RASGRP4: variants seen among roughly 807,000 people sequenced by gnomAD.
The protein encoded by RASGRP4 is RAS guanyl-releasing protein 4.
RASGRP4 carries 52 observed loss-of-function variants against 84.4 expected under a neutral mutation model. The ratio of observed to expected loss-of-function variants is 0.62; its 90% CI spans 0.49 to 0.78. RASGRP4 has a LOEUF of 0.78. Ranked by LOEUF, RASGRP4 falls within the 30% of genes least tolerant of loss-of-function variation. RASGRP4 has a pLI of 0.00. For synonymous variants in RASGRP4, 356 were observed against 359.1 expected, an observed-to-expected ratio of 0.99 and a Z score of 0.10; for missense variants, 760 against 886.9, an observed-to-expected ratio of 0.86 and a Z score of 1.82.
chr19:38,416,172 A>T (rs1971491414), intron 8 of RASGRP4, among the ~76,000 whole-genome samples: 2 of 148,772 alleles, frequency 1.3e-5, no homozygotes, highest in Non-Finnish European at 3.0e-5. Context: ...TTATTTTTAA[A>T]TTTTTTTTCA....
Position 38,409,773 on chromosome 19 carries a change from A to G in RASGRP4, c.*267T>C, listed in dbSNP as rs1031050644. On this transcript the variant is annotated 3_prime_UTR_variant, in exon 17 of 17. Transcript: ENST00000615439. Reference sequence around the variant, plus strand: ...AGAAATGGAGATGTAGGGAGTTGGTAGAATGAGGCCTGAGTCTAAATGTAT... The same window carrying G: ...AGAAATGGAGATGTAGGGAGTTGGTGGAATGAGGCCTGAGTCTAAATGTAT... The G allele has an allele frequency of 2.7e-5, 8 of 297,544 alleles. No individual in the cohort carries two copies. The highest frequency in any genetic ancestry group is 9.5e-5 in the South Asian group (1 of 10,546). The allele number at this position is 297,544 out of a possible 1,614,324, so 18.4% of individuals were successfully genotyped here.
rs1014957183 is a variant in RASGRP4 at position 38,409,414 on chromosome 19, A to C, written c.*626T>G. On this transcript the variant is annotated 3_prime_UTR_variant, in exon 17 of 17. Transcript: ENST00000615439. ...CGTTCAACGAGATAAAGAGGGAAAA[A>C]GTATAGGCTGTCAGAGGGAGCACAT... The C allele has an allele frequency of 6.6e-6, 1 of 152,134 alleles. No individual in the cohort carries two copies. The highest frequency in any genetic ancestry group is 6.6e-5 in the Admixed American group (1 of 15,198). 9.4% of individuals were successfully genotyped at this position (152,134 alleles called of 1,614,324 possible).
At chr19:38,420,095 T>A (rs1971675265) in intron 5 of RASGRP4, 36 bp downstream of exon 5, 1 of 1,607,258 alleles carries the variant, frequency 6.2e-7, no homozygotes. Context: ...AGAATGGCGA[T>A]GGGGCAGGGA....
At chr19:38,414,382 AATGGCG>A (rs1371866800) in intron 9 of RASGRP4, among the ~76,000 whole-genome samples, 5 of 151,470 alleles carry the variant, frequency 3.3e-5, no homozygotes, top group East Asian at 2.0e-4. Flanking sequence ...GCAATGGCGC[AATGGCG>A]CAATCTCAGC....
chr19:38,410,907 G>T lies in RASGRP4; in HGVS notation c.1944C>A (p.His648Gln). 2 of 1,600,868 alleles carry T rather than the reference G, an allele frequency of 1.2e-6. No homozygotes were observed. Among genetic ancestry groups the T allele is most frequent in the Non-Finnish European group, 1.7e-6 (2 of 1,173,806 alleles). ...RHAWTQTESP[H>Q]PSWETDTVPC... ...TCACCGTATCTGTTTCCCAGGAAGGGTGTGGGGATTCAGTCTGGGTCCAGG... is the reference window on the plus strand; with the variant it reads ...TCACCGTATCTGTTTCCCAGGAAGGTTGTGGGGATTCAGTCTGGGTCCAGG... Residue 648 changes from histidine (H) to glutamine (Q), a missense_variant, in exon 16 of 17, where the codon CAC (histidine) becomes CAA (glutamine). By Grantham distance (24) the His-to-Gln change is conservative (BLOSUM62 0). Transcript: ENST00000615439.
In RASGRP4 at chr19:38,417,266, T is replaced by C; in HGVS notation, c.838-98A>G. The C allele has an allele frequency of 1.4e-6, 1 of 740,408 alleles. No individual in the cohort carries two copies. Among genetic ancestry groups the C allele is most frequent in the East Asian group, 2.7e-5 (1 of 37,172 alleles). The allele number at this position is 740,408 out of a possible 1,614,324, so 45.9% of individuals were successfully genotyped here. ...CAGTTGAGGTGGGGTCCCAGGCATG[T>C]GTGGACCAATGTGGGGATCAGACAG... is the stretch of plus-strand genomic sequence containing the variant. On this transcript the variant is annotated intron_variant, in intron 7 of 16. Coordinates refer to ENST00000615439, the MANE Select transcript of RASGRP4 (RefSeq NM_170604.3). This position sits in a 1 kb window ranked among gnomAD's most constrained non-coding sequence, Gnocchi z 5.1.
chr19:38,423,599 G>A (rs1971855284), intron 1 of RASGRP4, among the ~76,000 whole-genome samples: 1 of 151,932 alleles, frequency 6.6e-6, no homozygotes, highest in African/African-American at 2.4e-5. Context: ...CACTTTGGGA[G>A]GCTGAGGTGG....
chr19:38,425,821 G>A (rs1468203690), intron 1 of RASGRP4, among the ~76,000 whole-genome samples: 1 of 152,140 alleles, frequency 6.6e-6, no homozygotes, highest in African/African-American at 2.4e-5. Flanking sequence ...GGATGGAGGT[G>A]GGGTGATGAG....
chr19:38,412,733 A>G lies in RASGRP4; in HGVS notation c.1619T>C (p.Leu540Pro). The G allele has an allele frequency of 6.2e-7, 1 of 1,612,530 alleles. No homozygotes were observed. Among genetic ancestry groups the G allele is most frequent in the Non-Finnish European group, 8.5e-7 (1 of 1,179,268 alleles). ...GAAGGTGACCTCATGGAAGGTGTGC[A>G]GGAAGGCCAGGCCCAACTTGGAGCA... Reference protein sequence around the residue: ...AICSKLGLAFLHTFHEVTFRK... With the variant: ...AICSKLGLAFPHTFHEVTFRK... The change falls in exon 13 of 17, where the codon CTG becomes CCG. Residue 540 changes from leucine to proline, a missense_variant. Leu to Pro is a moderately conservative substitution (Grantham distance 98). Transcript: ENST00000615439. The surrounding 1 kb of genome is among the most constrained non-coding windows in gnomAD (Gnocchi z 4.6).
Position 38,415,077 on chromosome 19 carries a change from G to A in RASGRP4, c.1001C>T (p.Ala334Val), listed in dbSNP as rs1374844480. ...GCCAGCCCAGGTGCGGCGGTAGCGG[G>A]CGTAGTTGTTGTGGGAGGCAAGGAG... Reference protein sequence around the residue: ...TELLASHNNYARYRRTWAGCA... With the variant: ...TELLASHNNYVRYRRTWAGCA... The change falls in exon 9 of 17, where the codon GCC (alanine) becomes GTC (valine). Residue 334 changes from alanine (A) to valine (V), a missense_variant. Coordinates refer to ENST00000615439, the MANE Select transcript of RASGRP4 (RefSeq NM_170604.3). The A allele has an allele frequency of 6.2e-7, 1 of 1,601,840 alleles. No individual in the cohort carries two copies. The highest frequency in any genetic ancestry group is 2.3e-5 in the East Asian group (1 of 44,416).
chr19:38,421,963 A>G lies in RASGRP4; in HGVS notation c.208+6T>C. ...CCAGGGAGGCTGCTGGGGAGAGGAC[A>G]CTTACCGAAGGACTGGATGCATTTC... On this transcript the variant is annotated splice_donor_region_variant and intron_variant, in intron 2 of 16. Coordinates refer to ENST00000615439, the MANE Select transcript of RASGRP4 (RefSeq NM_170604.3). 3 of 1,607,840 alleles carry G rather than the reference A, an allele frequency of 1.9e-6. No individual in the cohort carries two copies. The highest frequency in any genetic ancestry group is 2.5e-6 in the Non-Finnish European group (3 of 1,177,522).
Position 38,417,773 on chromosome 19 carries a change from A to G in RASGRP4, c.838-605T>C, listed in dbSNP as rs940452368. 2.0e-5 allele frequency among the ~76,000 whole-genome samples: 3 copies of G among 152,258 alleles called. No homozygotes were observed. Among genetic ancestry groups the G allele is most frequent in the Non-Finnish European group, 4.4e-5 (3 of 68,014 alleles). On this transcript the variant is annotated intron_variant, in intron 7 of 16. Coordinates refer to ENST00000615439, the MANE Select transcript of RASGRP4 (RefSeq NM_170604.3). The surrounding 1 kb of genome is among the most constrained non-coding windows in gnomAD (Gnocchi z 5.1). ...AAAATGCTCAGACTAAGGACACCCC[A>G]GGCGGACGTCGAGACCCCCAGGTCT... is the stretch of plus-strand genomic sequence containing the variant.
chr19:38,411,040 G>A, intron 15 of RASGRP4, 42 bp from the exon 16 acceptor site: 1 of 1,610,824 alleles, frequency 6.2e-7, no homozygotes, highest in Non-Finnish European at 8.5e-7. Context: ...CTGATGGGAA[G>A]GACCTCTTCT....
intron 2 of RASGRP4, 23 bp from the exon 3 acceptor site, chr19:38,421,223 C>G (rs755642236): frequency 6.5e-7 from 1 of 1,548,164 alleles, no homozygotes; most frequent in Admixed American, 1.7e-5. Flanking sequence ...GAGGGGTACT[C>G]TGTGACAGAA....
rs754312220 is a variant in RASGRP4, at chr19:38,419,879, C to T, written c.644G>A (p.Arg215Gln). 6.9e-6 allele frequency: 11 copies of T among 1,602,302 alleles called. No individual in the cohort carries two copies. Among genetic ancestry groups the T allele is most frequent in the East Asian group, 6.8e-5 (3 of 44,414 alleles). Residue 215 changes from arginine to glutamine, a missense_variant, in exon 6 of 17, where the codon CGG becomes CAG. Transcript: ENST00000615439. ...CCTCACCGTGATAGCCTGGAAGGAC[C>T]GGAACTCCAGGTAGGTGAGGTGCTG... ...LAQHLTYLEF[R>Q]SFQAITPQDL... is the part of the protein sequence containing the mutation.
At chr19:38,416,208 A>G (rs998211509) in intron 8 of RASGRP4, among the ~76,000 whole-genome samples, 1 of 151,848 alleles carries the variant, frequency 6.6e-6, no homozygotes, top group Non-Finnish European at 1.5e-5. Context: ...TCACACCTGT[A>G]ATCCCAGCAC....
intron 1 of RASGRP4, among the ~76,000 whole-genome samples, chr19:38,423,387 G>A (rs1001116076): frequency 1.9e-4 from 29 of 151,984 alleles, no homozygotes; most frequent in African/African-American, 6.0e-4. Flanking sequence ...TTGGTCAGGC[G>A]TGATGGCGGG....
chr19:38,417,257 C>T lies in RASGRP4; in HGVS notation c.838-89G>A. On this transcript the variant is annotated intron_variant, in intron 7 of 16. Coordinates refer to ENST00000615439, the MANE Select transcript of RASGRP4 (RefSeq NM_170604.3). This position sits in a 1 kb window ranked among gnomAD's most constrained non-coding sequence, Gnocchi z 5.1. ...ACAGCATCCCAGTTGAGGTGGGGTC[C>T]CAGGCATGTGTGGACCAATGTGGGG... 2.4e-6 allele frequency: 2 copies of T among 839,382 alleles called. No homozygotes were observed. Among genetic ancestry groups the T allele is most frequent in the South Asian group, 3.0e-5 (2 of 66,788 alleles). The allele number at this position is 839,382 out of a possible 1,614,324, so 52.0% of individuals were successfully genotyped here.
intron 2 of RASGRP4, 100 bp downstream of exon 2, chr19:38,421,869 C>T: frequency 1.1e-6 from 1 of 931,418 alleles, no homozygotes; most frequent in South Asian, 1.5e-5. Flanking sequence ...TCATTCCACC[C>T]AGCCCTGTTC....
Sources: allele counts gnomAD v4.1 joint callset (sites outside exome capture counted in the v4.1 genomes callset), GRCh38; gene constraint gnomAD v4.1.1; non-coding constraint Gnocchi (gnomAD v3.1); transcripts MANE v1.5; gene names NCBI Gene and HGNC (gene_info 2026-07-23, HGNC 2026-07-21).